Variants in ABCA3 observed in about 807,000 individuals in gnomAD.
The protein encoded by ABCA3 is phospholipid-transporting ATPase ABCA3.
A neutral mutation model predicts 172.8 loss-of-function variants in ABCA3; 88 were observed. The observed-to-expected ratio is 0.51, with a 90% CI of 0.43 to 0.61. The LOEUF is 0.61. ABCA3 is among the 20% of genes least tolerant of loss of function. The probability of loss-of-function intolerance (pLI) is 0.00; values close to 1 mark genes in which losing one functional copy is unlikely to be tolerated. For missense variants in ABCA3, 2,164 were observed against 2,301.0 expected, an observed-to-expected ratio of 0.94 and a Z score of 1.22; for synonymous variants, 1,066 against 983.8, an observed-to-expected ratio of 1.08 and a Z score of -1.56.
rs752056167 is a variant in ABCA3 at position 2,276,679 on chromosome 16, G to A, written c.5110C>T (p.Arg1704Ter). The change falls in exon 33 of 33, where the codon CGA becomes TGA. Residue 1704 changes from arginine (R) to a stop codon, truncating the protein, a stop_gained. Transcript: ENST00000301732. LOFTEE classifies it high-confidence loss of function. Reference protein sequence around the residue: ...HLQPPTAEEGR With the variant: ...HLQPPTAEEG Reference sequence around the variant, plus strand: ...GGCGAGACAGCCGCCACCCCTCATCGCCCCTCCTCTGCGGTGGGCGGCTGC... The same window carrying A: ...GGCGAGACAGCCGCCACCCCTCATCACCCCTCCTCTGCGGTGGGCGGCTGC... 13 of 1,613,048 alleles carry A rather than the reference G, an allele frequency of 8.1e-6. No individual in the cohort carries two copies. The highest frequency in any genetic ancestry group is 1.0e-5 in the Non-Finnish European group (12 of 1,180,020).
At chr16:2,331,919 G>A (rs2093743849) in intron 1 of ABCA3, among the ~76,000 whole-genome samples, 1 of 152,208 alleles carries the variant, frequency 6.6e-6, no homozygotes, top group Admixed American at 6.5e-5. Flanking sequence ...GACACAGTCA[G>A]GAAAGGGAAG....
chr16:2,319,302 G>A (rs547148319), intron 8 of ABCA3, among the ~76,000 whole-genome samples: 179 of 152,088 alleles, frequency 1.2e-3, no homozygotes, highest in Non-Finnish European at 2.1e-3. Flanking sequence ...TGGCTAACAC[G>A]GTGAAACCAC....
chr16:2,308,643 C>A lies in ABCA3; in HGVS notation c.1112-20G>T. 6.2e-7 allele frequency: 1 copy of A among 1,613,178 alleles called. No individual in the cohort carries two copies. Among genetic ancestry groups the A allele is most frequent in the South Asian group, 1.1e-5 (1 of 91,000 alleles). On this transcript the variant is annotated intron_variant, in intron 10 of 32. Coordinates refer to ENST00000301732, the MANE Select transcript of ABCA3 (RefSeq NM_001089.3). ...TGTTGGCTGCAGGTGTTGGAAGACC[C>A]GGGGGGCGTGAGCGTCAGTGCCCTC...
At chr16:2,316,705 A>G (rs1233812089) in intron 10 of ABCA3, among the ~76,000 whole-genome samples, 1 of 151,740 alleles carries the variant, frequency 6.6e-6, no homozygotes, top group Non-Finnish European at 1.5e-5. Flanking sequence ...GGGAACCTCT[A>G]AAAGTACTTA....
Position 2,287,695 on chromosome 16 carries a change from C to T in ABCA3, c.3004+331G>A, listed in dbSNP as rs1209234439. Among the ~76,000 whole-genome samples, 1 of 152,230 alleles carries T rather than the reference C, an allele frequency of 6.6e-6. No homozygotes were observed. On this transcript the variant is annotated intron_variant, in intron 21 of 32. Transcript: ENST00000301732. This position sits in a 1 kb window ranked among gnomAD's most constrained non-coding sequence, Gnocchi z 4.1. ...AGTCACTATGCTTCTGCATTTTGCC[C>T]ATGAATGATCCTGAAAGACACAGCT...
chr16:2,315,644 A>T (rs1473308864), intron 10 of ABCA3, among the ~76,000 whole-genome samples: 1 of 152,056 alleles, frequency 6.6e-6, no homozygotes, highest in Admixed American at 6.6e-5. Context: ...CAGGAATGTC[A>T]CATAGGAAGT....
rs2093664028 is a variant in ABCA3 at position 2,286,887 on chromosome 16, A to G, written c.3085T>C (p.Phe1029Leu). ...FNERCLVAAS[F>L]RDVGERTVVN... ...ACCGTGCGCTCTCCCACATCTCTGA[A>G]GGACGCTGCCACAAGGCACCGCTCA... Residue 1029 changes from phenylalanine to leucine, a missense_variant, in exon 22 of 33, where the codon TTC becomes CTC. This residue lies in a region of ABCA3 where 26 missense variants were observed against 49.5 expected (regional missense o/e 0.53). Transcript: ENST00000301732. This position sits in a 1 kb window ranked among gnomAD's most constrained non-coding sequence, Gnocchi z 5.2. 1 of 1,614,116 alleles carries G rather than the reference A, an allele frequency of 6.2e-7. No homozygotes were observed. Among genetic ancestry groups the G allele is most frequent in the East Asian group, 2.2e-5 (1 of 44,882 alleles).
chr16:2,282,813 C>T (rs553160078), intron 26 of ABCA3, among the ~76,000 whole-genome samples: 62 of 139,144 alleles, frequency 4.5e-4, no homozygotes, highest in African/African-American at 1.6e-3. Context: ...CTCAGCCCCA[C>T]ATCCCCTCCT....
At chr16:2,295,844 A>G (rs115348225) in intron 17 of ABCA3, 104 bp from the exon 18 acceptor site, 7 of 1,519,096 alleles carry the variant, frequency 4.6e-6, no homozygotes, top group Non-Finnish European at 4.5e-6. Flanking sequence ...GGTGGGAAGG[A>G]GGCTAGAGAA....
chr16:2,323,647 G>A lies in ABCA3; in HGVS notation c.489C>T (p.Tyr163=), dbSNP rs753667796. The change falls in exon 7 of 33, where the codon TAC becomes TAT. Residue 163 remains tyrosine, a synonymous_variant. Transcript: ENST00000301732. ...AAAAGGAGCCTGTTTGGGTCCACAT[G>A]TAATTTCTCCGTGTGTAACTGAACC... ...HLRFSYTRRN[Y]MWTQTGSFFL... is the part of the protein sequence containing the mutation. 4.3e-6 allele frequency: 7 copies of A among 1,614,178 alleles called. No homozygotes were observed. The highest frequency in any genetic ancestry group is 5.9e-6 in the Non-Finnish European group (7 of 1,180,036).
chr16:2,308,760 G>A, intron 10 of ABCA3, 137 bp from the exon 11 acceptor site: 2 of 940,948 alleles, frequency 2.1e-6, no homozygotes, highest in Non-Finnish European at 3.3e-6. Flanking sequence ...ATCTACACGG[G>A]ACACAAGCTC....
chr16:2,277,695 C>CTG lies in ABCA3; in HGVS notation c.4910-27_4910-26dup. 2 of 1,612,800 alleles carry CTG rather than the reference C, an allele frequency of 1.2e-6. No individual in the cohort carries two copies. Among genetic ancestry groups the CTG allele is most frequent in the Non-Finnish European group, 1.7e-6 (2 of 1,179,824 alleles). ...CCTGCACAAAGGAGAGACGGTGTTG[C>CTG]TGTGAGCGCCGGGCTGGAGGATCGG... On this transcript the variant is annotated intron_variant, in intron 31 of 32. Coordinates refer to ENST00000301732, the MANE Select transcript of ABCA3 (RefSeq NM_001089.3). This position sits in a 1 kb window ranked among gnomAD's most constrained non-coding sequence, Gnocchi z 5.3.
intron 1 of ABCA3, 37 bp downstream of exon 1, chr16:2,340,536 A>C (rs2093759349): frequency 6.7e-6 from 1 of 149,412 alleles, no homozygotes; most frequent in African/African-American, 2.4e-5. Flanking sequence ...AAGCCCCGGG[A>C]ACGAGCGCGC....
chr16:2,328,898 GT>G lies in ABCA3; in HGVS notation c.-331-142del, dbSNP rs556111966. ...GGGAGACTCCAGCGCACGGGGAAGG[GT>G]TTTTTTTTTTTTTTAAATGACCCAT... On this transcript the variant is annotated intron_variant, in intron 2 of 32. Transcript: ENST00000301732. 4.9e-3 allele frequency: 687 copies of G among 139,770 alleles called. 2 individuals are homozygous for G. The highest frequency in any genetic ancestry group is 0.017 in the South Asian group (74 of 4,340). The allele number at this position is 139,770 out of a possible 1,614,324, so 8.7% of individuals were successfully genotyped here.
chr16:2,304,960 C>A (rs1449512552), intron 11 of ABCA3, among the ~76,000 whole-genome samples: 2 of 152,012 alleles, frequency 1.3e-5, no homozygotes, highest in African/African-American at 4.8e-5. Flanking sequence ...CAGGCGTGAG[C>A]CACTGCAACC....
At chr16:2,337,315 T>G (rs77259892) in intron 1 of ABCA3, among the ~76,000 whole-genome samples, 6,591 of 151,902 alleles carry the variant, frequency 0.043, 463 homozygotes, top group African/African-American at 0.15. Flanking sequence ...TATATTGGGC[T>G]GCATGTTTAC....
At chr16:2,307,272 C>G (rs1178395490) in intron 11 of ABCA3, among the ~76,000 whole-genome samples, 2 of 151,858 alleles carry the variant, frequency 1.3e-5, no homozygotes, top group Non-Finnish European at 2.9e-5. Flanking sequence ...TCCTCGAAAC[C>G]CAGCCAGCCT....
chr16:2,317,591 C>T (rs886142235), intron 9 of ABCA3, 57 bp downstream of exon 9: 2 of 1,602,572 alleles, frequency 1.2e-6, no homozygotes, highest in Admixed American at 3.3e-5. Flanking sequence ...AGAGGGCCCT[C>T]CTGGGGTGCC....
chr16:2,321,288 C>T (rs2093725660), intron 7 of ABCA3, among the ~76,000 whole-genome samples: 1 of 152,158 alleles, frequency 6.6e-6, no homozygotes, highest in African/African-American at 2.4e-5. Context: ...CGCTCTGGGG[C>T]CTCACACACC....
Sources: allele counts gnomAD v4.1 joint callset (sites outside exome capture counted in the v4.1 genomes callset), GRCh38; gene constraint gnomAD v4.1.1; regional missense constraint gnomAD v4.1.1; non-coding constraint Gnocchi (gnomAD v3.1); transcripts MANE v1.5; gene names NCBI Gene and HGNC (gene_info 2026-07-23, HGNC 2026-07-21).